Variants in PHIP observed in about 807,000 individuals in gnomAD.
PHIP encodes the protein PHIP subunit of CUL4-Ring ligase complex, also known as PH-interacting protein.
Under a neutral mutation model 236.8 loss-of-function variants are expected in PHIP, and 54 were observed. The observed-to-expected ratio is 0.23, with a 90% CI of 0.18 to 0.29. PHIP has a LOEUF of 0.29. PHIP is among the 10% of genes least tolerant of loss of function. The pLI is 1.00. For missense variants in PHIP, 1,370 were observed against 2,190.8 expected, an observed-to-expected ratio of 0.63 and a Z score of 7.48; for synonymous variants, 756 against 718.9, an observed-to-expected ratio of 1.05 and a Z score of -0.83.
intron 4 of PHIP, among the ~76,000 whole-genome samples, chr6:79,071,955 AAAAG>A (rs1773904549): frequency 6.6e-6 from 1 of 151,952 alleles, no homozygotes; most frequent in African/African-American, 2.4e-5. Context: ...ATGAAAAAAA[AAAAG>A]AAAACCAAAA....
At chr6:78,984,207 C>T (rs982777051) in intron 22 of PHIP, among the ~76,000 whole-genome samples, 22 of 152,214 alleles carry the variant, frequency 1.4e-4, no homozygotes, top group African/African-American at 5.3e-4. Flanking sequence ...TCCTAATCAT[C>T]CCAGATAAGA....
chr6:79,027,254 G>A (rs1771452550), intron 7 of PHIP, among the ~76,000 whole-genome samples: 1 of 152,046 alleles, frequency 6.6e-6, no homozygotes, highest in Non-Finnish European at 1.5e-5. Flanking sequence ...TCTTAAATCA[G>A]ACTCTGCCAA....
Position 79,077,435 on chromosome 6 carries a change from G to A in PHIP, c.189+13C>T, listed in dbSNP as rs774462412. 5 of 1,593,176 alleles carry A rather than the reference G, an allele frequency of 3.1e-6. No individual in the cohort carries two copies. The South Asian group carries it at 3.3e-5, about 11-fold the overall frequency. Reference sequence around the variant, plus strand: ...GGGAAAAGTTTCTTTGCTCTGCGACGTGAATGTCTCACCAGATTCTGGTAG... The same window carrying A: ...GGGAAAAGTTTCTTTGCTCTGCGACATGAATGTCTCACCAGATTCTGGTAG... On this transcript the variant is annotated intron_variant, in intron 4 of 39. Transcript: ENST00000275034.
chr6:79,018,725 T>C (rs1355696691), intron 10 of PHIP, among the ~76,000 whole-genome samples: 1 of 152,014 alleles, frequency 6.6e-6, no homozygotes, highest in African/African-American at 2.4e-5. Context: ...TACTTAACTA[T>C]AGAATACCTT....
intron 6 of PHIP, among the ~76,000 whole-genome samples, chr6:79,057,580 C>T (rs752810037): frequency 5.3e-5 from 8 of 152,104 alleles, no homozygotes; most frequent in South Asian, 4.1e-4. Context: ...CTATATTAAA[C>T]GTTTAAATCT....
At chr6:79,056,736 T>C (rs999953688) in intron 6 of PHIP, among the ~76,000 whole-genome samples, 2 of 152,090 alleles carry the variant, frequency 1.3e-5, no homozygotes, top group Admixed American at 1.3e-4. Flanking sequence ...CTGGTTAGAA[T>C]CTGACTCCTA....
At chr6:78,996,225 C>A (rs1213592824) in intron 19 of PHIP, among the ~76,000 whole-genome samples, 1 of 152,128 alleles carries the variant, frequency 6.6e-6, no homozygotes, top group East Asian at 1.9e-4. Context: ...ATACATTTGG[C>A]CCTGCATCTT....
intron 6 of PHIP, among the ~76,000 whole-genome samples, chr6:79,050,532 T>C (rs1280712699): frequency 6.6e-6 from 1 of 152,190 alleles, no homozygotes; most frequent in Non-Finnish European, 1.5e-5. Context: ...AAAGAAAACA[T>C]GCCAAAGTAT....
rs571638070 is a variant in PHIP, at chr6:78,954,436, T to G, written c.4053+378A>C. On this transcript the variant is annotated intron_variant, in intron 35 of 39. Coordinates refer to ENST00000275034, the MANE Select transcript of PHIP (RefSeq NM_017934.7). ...ACTATTTTTATATATTCTCTTTACA[T>G]CTCCATAATCCTGTAAGGACGTAGG... Among the ~76,000 whole-genome samples the G allele has an allele frequency of 2.6e-5, 4 of 152,010 alleles. No homozygotes were observed. The South Asian group carries it at 8.3e-4, about 32-fold the overall frequency.
At chr6:78,946,594 G>A in intron 37 of PHIP, 117 bp downstream of exon 37, 1 of 1,422,740 alleles carries the variant, frequency 7.0e-7, no homozygotes, top group South Asian at 1.6e-5. Flanking sequence ...GAACTTGCAT[G>A]TCAAATTATC....
chr6:78,990,843 AAAC>A (rs767252017), intron 20 of PHIP, 22 bp downstream of exon 20: 2 of 1,324,558 alleles, frequency 1.5e-6, no homozygotes, highest in Non-Finnish European at 2.1e-6. Context: ...AGCAAATATT[AAAC>A]ATCAAAATAA....
At chr6:79,054,249 T>C (rs1772952264) in intron 6 of PHIP, among the ~76,000 whole-genome samples, 1 of 150,236 alleles carries the variant, frequency 6.7e-6, no homozygotes, top group Non-Finnish European at 1.5e-5. Context: ...ACAAAACCTG[T>C]GTCAAATAGA....
At chr6:78,945,835 A>G (rs1452655474) in intron 38 of PHIP, 166 bp downstream of exon 38, 2 of 627,180 alleles carry the variant, frequency 3.2e-6, no homozygotes, top group African/African-American at 1.9e-5. Flanking sequence ...CCTCAATTTA[A>G]TTCTTCTTAT....
intron 7 of PHIP, among the ~76,000 whole-genome samples, chr6:79,035,568 G>T (rs1356964412): frequency 6.6e-6 from 1 of 152,144 alleles, no homozygotes; most frequent in African/African-American, 2.4e-5. Flanking sequence ...GGCATTCCTT[G>T]AAAACCTACT....
chr6:79,051,713 G>A (rs1562210385), intron 6 of PHIP, among the ~76,000 whole-genome samples: 1 of 152,002 alleles, frequency 6.6e-6, no homozygotes, highest in Admixed American at 6.6e-5. Flanking sequence ...TACATTAAGA[G>A]CACTAATAAA....
At chr6:79,023,374 A>G (rs923568734) in intron 9 of PHIP, among the ~76,000 whole-genome samples, 6 of 152,206 alleles carry the variant, frequency 3.9e-5, no homozygotes, top group Admixed American at 2.6e-4. Flanking sequence ...CTGGGATTAG[A>G]TAAGAATGAG....
At position 78,935,384 on chromosome 6, in the gene PHIP, A is replaced by T. The variant is rs1276259324; in HGVS notation, c.*5309T>A. 2.5e-6 allele frequency: 1 copy of T among 404,860 alleles called. No homozygotes were observed. The highest frequency in any genetic ancestry group is 3.3e-6 in the Non-Finnish European group (1 of 299,562). 25.1% of individuals were successfully genotyped at this position (404,860 alleles called of 1,614,324 possible). On this transcript the variant is annotated 3_prime_UTR_variant, in exon 40 of 40. Transcript: ENST00000275034. ...ATGCTAAAATTGGGATTCTTAGTCA[A>T]TAAAAATGCATGCCAATCTGACAAA...
intron 37 of PHIP, 114 bp downstream of exon 37, chr6:78,946,596 CA>C: frequency 7.0e-7 from 1 of 1,424,228 alleles, no homozygotes; most frequent in Non-Finnish European, 9.1e-7. Context: ...ACTTGCATGT[CA>C]AATTATCATT....
intron 35 of PHIP, among the ~76,000 whole-genome samples, chr6:78,952,579 A>G (rs1326686955): frequency 6.6e-6 from 1 of 151,568 alleles, no homozygotes; most frequent in Non-Finnish European, 1.5e-5. Context: ...ACTACCTCTT[A>G]CCCTCTCCTT....
Sources: allele counts gnomAD v4.1 joint callset (sites outside exome capture counted in the v4.1 genomes callset), GRCh38; gene constraint gnomAD v4.1.1; transcripts MANE v1.5; gene names NCBI Gene and HGNC (gene_info 2026-07-23, HGNC 2026-07-21).